Variants in KANSL1L observed in about 807,000 individuals in gnomAD.
The protein encoded by KANSL1L is KAT8 regulatory NSL complex subunit 1-like protein.
KANSL1L carries 25 observed loss-of-function variants against 108.6 expected under a neutral mutation model. That is an observed-to-expected ratio of 0.23 (90% confidence interval 0.17 to 0.32). The LOEUF is 0.32. KANSL1L is among the 10% of genes least tolerant of loss of function. The probability of loss-of-function intolerance (pLI) is 1.00; values close to 1 mark genes in which losing one functional copy is unlikely to be tolerated. For missense variants in KANSL1L, 1,137 were observed against 1,125.7 expected, an observed-to-expected ratio of 1.01 and a Z score of -0.14; for synonymous variants, 405 against 395.1, an observed-to-expected ratio of 1.03 and a Z score of -0.30.
rs774307932 is a variant in KANSL1L at position 210,023,031 on chromosome 2, T to C, written c.2882A>G (p.His961Arg). The C allele has an allele frequency of 1.2e-6, 2 of 1,614,004 alleles. No homozygotes were observed. Among genetic ancestry groups the C allele is most frequent in the South Asian group, 2.2e-5 (2 of 91,072 alleles). ...TCCATCTGACTGCTTTTTTGGATGG[T>C]GGCCATTCTCTGGTACACTGGTACC... ...IFGTSVPENGHHPKKQSDGME... is the reference protein window; with the variant it reads ...IFGTSVPENGRHPKKQSDGME... The change falls in exon 15 of 15, where the codon CAC (histidine) becomes CGC (arginine). Residue 961 changes from histidine to arginine, a missense_variant. This residue lies in a region of KANSL1L where 575 missense variants were observed against 567.1 expected (regional missense o/e 1.01). Transcript: ENST00000281772.
intron 2 of KANSL1L, among the ~76,000 whole-genome samples, chr2:210,149,102 CAAAG>C (rs1303715669): frequency 6.6e-6 from 1 of 151,784 alleles, no homozygotes; most frequent in Non-Finnish European, 1.5e-5. Context: ...ATATTAGAAA[CAAAG>C]GAAGGAATGG....
intron 1 of KANSL1L, among the ~76,000 whole-genome samples, chr2:210,159,992 C>T (rs913119452): frequency 2.3e-4 from 35 of 152,224 alleles, no homozygotes; most frequent in Non-Finnish European, 4.3e-4. Context: ...GCCGAGATCA[C>T]GCCACTGCAC....
At position 210,022,707 on chromosome 2, in the gene KANSL1L, G is replaced by C; in HGVS notation, c.*242C>G. Reference sequence around the variant, plus strand: ...ATCAAGTTGCAGCAATTAATATCTTGGTGTTTGTAAGTAAGTTGCATGATA... The same window carrying C: ...ATCAAGTTGCAGCAATTAATATCTTCGTGTTTGTAAGTAAGTTGCATGATA... On this transcript the variant is annotated 3_prime_UTR_variant, in exon 15 of 15. Coordinates refer to ENST00000281772, the MANE Select transcript of KANSL1L (RefSeq NM_152519.4). 2 of 460,896 alleles carry C rather than the reference G, an allele frequency of 4.3e-6. No homozygotes were observed. The highest frequency in any genetic ancestry group is 3.9e-5 in the Admixed American group (1 of 25,952). The allele number at this position is 460,896 out of a possible 1,614,324, so 28.6% of individuals were successfully genotyped here.
At chr2:210,121,820 C>G (rs1187012847) in intron 3 of KANSL1L, among the ~76,000 whole-genome samples, 1 of 152,024 alleles carries the variant, frequency 6.6e-6, no homozygotes, top group Admixed American at 6.6e-5. Flanking sequence ...ACTATTAAAA[C>G]TGATAAATAA....
chr2:210,085,625 T>A (rs1389212515), intron 5 of KANSL1L, among the ~76,000 whole-genome samples: 2 of 152,060 alleles, frequency 1.3e-5, no homozygotes, highest in Admixed American at 6.6e-5. Context: ...CAAAATCCCA[T>A]CTTCTCAACA....
chr2:210,081,650 A>G (rs1005638834), intron 5 of KANSL1L, among the ~76,000 whole-genome samples: 4 of 152,230 alleles, frequency 2.6e-5, no homozygotes, highest in African/African-American at 9.6e-5. Flanking sequence ...TATGCCTTAC[A>G]TATAGCAGAT....
At chr2:210,108,478 C>T (rs1169719281) in intron 3 of KANSL1L, among the ~76,000 whole-genome samples, 1 of 152,060 alleles carries the variant, frequency 6.6e-6, no homozygotes, top group Non-Finnish European at 1.5e-5. Flanking sequence ...ATTAAAATAT[C>T]CTTTCTTAAG....
chr2:210,070,941 C>T (rs1373997403), intron 6 of KANSL1L, among the ~76,000 whole-genome samples: 1 of 152,012 alleles, frequency 6.6e-6, no homozygotes, highest in Non-Finnish European at 1.5e-5. Context: ...GGGTGGATCA[C>T]GAGGTCAGAA....
At chr2:210,074,332 A>T (rs1034340376) in intron 6 of KANSL1L, among the ~76,000 whole-genome samples, 7 of 152,130 alleles carry the variant, frequency 4.6e-5, no homozygotes, top group African/African-American at 1.4e-4. Flanking sequence ...TAACCTTATA[A>T]ACCCTGAAAT....
intron 1 of KANSL1L, among the ~76,000 whole-genome samples, chr2:210,162,240 ATATG>A (rs1276805845): frequency 6.9e-6 from 1 of 143,908 alleles, no homozygotes; most frequent in African/African-American, 2.5e-5. Context: ...ATATATATAT[ATATG>A]TATATCAATA....
At chr2:210,037,107 TTATC>T (rs1481958386) in intron 8 of KANSL1L, among the ~76,000 whole-genome samples, 2 of 152,150 alleles carry the variant, frequency 1.3e-5, no homozygotes, top group African/African-American at 4.8e-5. Context: ...AGAAATATAA[TTATC>T]TAATCTCTAA....
At chr2:210,170,959 G>A (rs1688302913) in intron 1 of KANSL1L, among the ~76,000 whole-genome samples, 190 bp downstream of exon 1, 1 of 131,336 alleles carries the variant, frequency 7.6e-6, no homozygotes, top group Non-Finnish European at 1.6e-5. Context: ...TCAGACCCCC[G>A]CCCTAGAGCG....
At chr2:210,102,624 AAAAC>A (rs1424192536) in intron 4 of KANSL1L, among the ~76,000 whole-genome samples, 3 of 152,214 alleles carry the variant, frequency 2.0e-5, no homozygotes, top group African/African-American at 4.8e-5. Context: ...TTACGAGAAA[AAAAC>A]AAACAACCCC....
At chr2:210,050,153 A>G (rs910231953) in intron 6 of KANSL1L, among the ~76,000 whole-genome samples, 1 of 152,214 alleles carries the variant, frequency 6.6e-6, no homozygotes, top group South Asian at 2.1e-4. Flanking sequence ...GTGTCTTTCA[A>G]TCTTTTGCTA....
At chr2:210,125,578 G>T (rs1396317037) in intron 3 of KANSL1L, among the ~76,000 whole-genome samples, 1 of 152,114 alleles carries the variant, frequency 6.6e-6, no homozygotes, top group Non-Finnish European at 1.5e-5. Context: ...CCAAAAATTA[G>T]CAAGCCAAAT....
At chr2:210,109,575 TCC>T (rs2094884789) in intron 3 of KANSL1L, among the ~76,000 whole-genome samples, 1 of 152,156 alleles carries the variant, frequency 6.6e-6, no homozygotes, top group South Asian at 2.1e-4. Flanking sequence ...CAATGAACAT[TCC>T]CACTTGGAAA....
intron 1 of KANSL1L, among the ~76,000 whole-genome samples, chr2:210,158,382 C>G (rs2095344811): frequency 6.6e-6 from 1 of 152,152 alleles, no homozygotes; most frequent in Non-Finnish European, 1.5e-5. Flanking sequence ...ATCTGAGAAA[C>G]AGATCCTTCC....
chr2:210,064,743 A>C (rs1410913711), intron 6 of KANSL1L, among the ~76,000 whole-genome samples: 1 of 144,308 alleles, frequency 6.9e-6, no homozygotes, highest in Non-Finnish European at 1.5e-5. Context: ...TGGGAGGTCG[A>C]GGCTGCAGTG....
At chr2:210,099,579 TC>T (rs1300499776) in intron 4 of KANSL1L, among the ~76,000 whole-genome samples, 1 of 152,222 alleles carries the variant, frequency 6.6e-6, no homozygotes, top group Admixed American at 6.5e-5. Flanking sequence ...AGAAATGGAT[TC>T]TTTATCCATT....
Sources: allele counts gnomAD v4.1 joint callset (sites outside exome capture counted in the v4.1 genomes callset), GRCh38; gene constraint gnomAD v4.1.1; regional missense constraint gnomAD v4.1.1; transcripts MANE v1.5; gene names NCBI Gene and HGNC (gene_info 2026-07-23, HGNC 2026-07-21).